Variants in PCDHGA4 observed in about 807,000 individuals in gnomAD.
PCDHGA4 encodes protocadherin gamma-A4.
A neutral mutation model predicts 54.6 loss-of-function variants in PCDHGA4; 38 were observed. The ratio of observed to expected loss-of-function variants is 0.70; its 90% confidence interval spans 0.54 to 0.91. PCDHGA4 has a LOEUF of 0.91. Among genes scored for constraint, PCDHGA4 ranks in the 40% least tolerant of loss-of-function variants. The probability of loss-of-function intolerance (pLI) is 0.00; values close to 1 mark genes in which losing one functional copy is unlikely to be tolerated. For synonymous variants in PCDHGA4, 511 were observed against 512.9 expected (o/e 1.00, Z 0.05); for missense variants, 1,298 against 1,220.9 (o/e 1.06, Z -0.94).
chr5:141,374,906 G>A (rs1200666906), intron 1 of PCDHGA4: 5 of 1,613,650 alleles, frequency 3.1e-6, no homozygotes, highest in South Asian at 2.2e-5. Context: ...AGGAGTCCAC[G>A]GGGAAGTAAC....
intron 1 of PCDHGA4, chr5:141,376,063 C>T (rs1392618102): frequency 1.9e-6 from 3 of 1,613,444 alleles, no homozygotes; most frequent in Non-Finnish European, 2.5e-6. Context: ...CTGTCACGCT[C>T]ACCGTGGCCG....
At chr5:141,454,993 T>C (rs2098809479) in intron 1 of PCDHGA4, among the ~76,000 whole-genome samples, 1 of 151,290 alleles carries the variant, frequency 6.6e-6, no homozygotes, top group Non-Finnish European at 1.5e-5. Context: ...AAAATATTTT[T>C]AGTAGAGACG....
chr5:141,416,062 T>G, intron 1 of PCDHGA4: 1 of 176,822 alleles, frequency 5.7e-6, no homozygotes, highest in Non-Finnish European at 1.2e-5. Flanking sequence ...AATCCAAGAA[T>G]ACTCAATGCA....
intron 1 of PCDHGA4, chr5:141,408,577 T>C (rs771768269): frequency 6.2e-7 from 1 of 1,614,068 alleles, no homozygotes; most frequent in South Asian, 1.1e-5. Flanking sequence ...TGATTGAGGA[T>C]GTTAATGACC....
Position 141,485,844 on chromosome 5 carries a change from G to T in PCDHGA4, c.2515-8963G>T. On this transcript the variant is annotated intron_variant, in intron 1 of 3. Transcript: ENST00000571252. This position sits in a 1 kb window ranked among gnomAD's most constrained non-coding sequence, Gnocchi z 5.7. ...GATGGAGGGAACCCGCCGAGATCTG[G>T]CACCGCAGAGCTCCGGGTATCCGTG... The T allele has an allele frequency of 1.9e-6, 3 of 1,613,890 alleles. 1 individual carries two copies. The South Asian group carries it at 3.3e-5, about 18-fold the overall frequency.
intron 1 of PCDHGA4, chr5:141,423,253 C>T (rs750278899): frequency 6.2e-7 from 1 of 1,613,916 alleles, no homozygotes; most frequent in Non-Finnish European, 8.5e-7. Flanking sequence ...CCTGGCGGAC[C>T]TCGGCAGCCT....
chr5:141,485,408 T>C lies in PCDHGA4; in HGVS notation c.2515-9399T>C. On this transcript the variant is annotated intron_variant, in intron 1 of 3. Transcript: ENST00000571252. The surrounding 1 kb of genome is among the most constrained non-coding windows in gnomAD (Gnocchi z 5.7). ...GAACCAAAGACACTTCCGTGTGGAT[T>C]TGGACAGCGGAGCCCTGCTCATCAA... 1 of 1,614,112 alleles carries C rather than the reference T, an allele frequency of 6.2e-7. No individual in the cohort carries two copies. Among genetic ancestry groups the C allele is most frequent in the Non-Finnish European group, 8.5e-7 (1 of 1,180,034 alleles).
chr5:141,414,306 T>A lies in PCDHGA4; in HGVS notation c.2514+56685T>A, dbSNP rs778408885. The A allele has an allele frequency of 6.2e-6, 10 of 1,613,584 alleles. No homozygotes were observed. The Admixed American group carries it at 1.2e-4, about 19-fold the overall frequency. Reference sequence around the variant, plus strand: ...TCGTAGCCCTTTTAAATGTGCATGATTTAGACTCTGAGCAGAATGGACAGG... The same window carrying A: ...TCGTAGCCCTTTTAAATGTGCATGAATTAGACTCTGAGCAGAATGGACAGG... On this transcript the variant is annotated intron_variant, in intron 1 of 3. Coordinates refer to ENST00000571252, the MANE Select transcript of PCDHGA4 (RefSeq NM_018917.4).
chr5:141,374,812 T>C, intron 1 of PCDHGA4: 1 of 1,613,998 alleles, frequency 6.2e-7, no homozygotes, highest in Non-Finnish European at 8.5e-7. Flanking sequence ...CAATGTTTAC[T>C]CAGCCTGTCT....
rs1301352900 is a variant in PCDHGA4, at chr5:141,491,765, A to T, written c.2515-3042A>T. ...GGCACTGGAGAAGCCGCCCGTCCTC[A>T]TAAGGGATTGAACTTGCATCCACTC... On this transcript the variant is annotated intron_variant, in intron 1 of 3. Transcript: ENST00000571252. The surrounding 1 kb of genome is among the most constrained non-coding windows in gnomAD (Gnocchi z 6.9). 1.3e-6 allele frequency: 2 copies of T among 1,569,228 alleles called. No individual in the cohort carries two copies. Among genetic ancestry groups the T allele is most frequent in the Non-Finnish European group, 1.7e-6 (2 of 1,158,736 alleles).
In PCDHGA4 at chr5:141,491,244, T is replaced by G. The variant is rs754328211; in HGVS notation, c.2515-3563T>G. The G allele has an allele frequency of 6.2e-6, 10 of 1,614,092 alleles. No homozygotes were observed. The South Asian group carries it at 1.1e-4, about 18-fold the overall frequency. ...CCACAGTGCTGCTGGTTCTGGAGGA[T>G]GAGGACCCTGAGGAAATGCCCAAAT... On this transcript the variant is annotated intron_variant, in intron 1 of 3. Transcript: ENST00000571252. This position sits in a 1 kb window ranked among gnomAD's most constrained non-coding sequence, Gnocchi z 6.9.
At chr5:141,374,384 C>T (rs781113576) in intron 1 of PCDHGA4, 4 of 1,613,962 alleles carry the variant, frequency 2.5e-6, no homozygotes, top group East Asian at 2.2e-5. Flanking sequence ...TCAGAGCCCG[C>T]GGTGTCTGGT....
rs774456704 is a variant in PCDHGA4, at chr5:141,390,013, C to T, written c.2514+32392C>T. On this transcript the variant is annotated intron_variant, in intron 1 of 3. Coordinates refer to ENST00000571252, the MANE Select transcript of PCDHGA4 (RefSeq NM_018917.4). ...CTCGTGGCCATGATTCTGGCCATTG[C>T]CTTGCGCCTGCGACGCTCCTCCAGC... 1.3e-4 allele frequency: 202 copies of T among 1,613,936 alleles called. No homozygotes were observed. The highest frequency in any genetic ancestry group is 1.6e-4 in the Non-Finnish European group (192 of 1,179,918).
At chr5:141,394,506 C>T (rs1487868399) in intron 1 of PCDHGA4, 1 of 1,614,096 alleles carries the variant, frequency 6.2e-7, no homozygotes, top group Non-Finnish European at 8.5e-7. Flanking sequence ...GATCCTGTAC[C>T]CCGCCCTCCC....
At chr5:141,403,261 G>A in intron 1 of PCDHGA4, 1 of 1,613,852 alleles carries the variant, frequency 6.2e-7, no homozygotes, top group East Asian at 2.2e-5. Flanking sequence ...CGCGGTGTCT[G>A]GTGAACTTTA....
At chr5:141,410,254 C>G in intron 1 of PCDHGA4, 1 of 1,614,020 alleles carries the variant, frequency 6.2e-7, no homozygotes, top group Non-Finnish European at 8.5e-7. Flanking sequence ...TCTCTGACCC[C>G]CAGGCTGAAC....
intron 1 of PCDHGA4, chr5:141,417,759 C>T: frequency 7.0e-7 from 1 of 1,437,100 alleles, no homozygotes; most frequent in South Asian, 1.5e-5. Flanking sequence ...AGCTCCGAGA[C>T]CCGGGACTCC....
intron 1 of PCDHGA4, among the ~76,000 whole-genome samples, chr5:141,401,627 G>A (rs998564450): frequency 6.6e-6 from 1 of 152,176 alleles, no homozygotes; most frequent in African/African-American, 2.4e-5. Flanking sequence ...TTGTCTTATC[G>A]TTTGGAGCTT....
chr5:141,461,560 T>G (rs1355320881), intron 1 of PCDHGA4, among the ~76,000 whole-genome samples: 1 of 152,234 alleles, frequency 6.6e-6, no homozygotes, highest in African/African-American at 2.4e-5. Context: ...ATGTGTACTT[T>G]GCAAAGATAA....
Sources: gnomAD v4.1 joint callset for allele counts (sites outside exome capture counted in the v4.1 genomes callset) on GRCh38, gnomAD v4.1.1 for gene constraint, Gnocchi (gnomAD v3.1) non-coding constraint, MANE v1.5 for transcripts, NCBI Gene and HGNC (gene_info 2026-07-23, HGNC 2026-07-21) for gene names.